The following TAF3 variants were observed in gnomAD, a reference collection of about 807,000 sequenced individuals.
TAF3 encodes the protein TATA-box binding protein associated factor 3, also known as transcription initiation factor TFIID subunit 3.
TAF3 carries 7 observed loss-of-function variants against 80.6 expected under a neutral mutation model. The observed-to-expected ratio is 0.09, with a 90% CI of 0.05 to 0.16. The LOEUF (loss-of-function observed/expected upper bound fraction) is 0.16. Ranked by LOEUF, TAF3 falls within the 10% of genes least tolerant of loss-of-function variation. TAF3 has a pLI of 1.00. For synonymous variants in TAF3, 444 were observed against 446.1 expected, an observed-to-expected ratio of 1.00 and a Z score of 0.06; for missense variants, 921 against 1,140.2, an observed-to-expected ratio of 0.81 and a Z score of 2.77.
intron 2 of TAF3, among the ~76,000 whole-genome samples, chr10:7,870,887 G>C (rs1411161063): frequency 6.6e-6 from 1 of 152,042 alleles, no homozygotes; most frequent in African/African-American, 2.4e-5. Context: ...TTGAAGCTCA[G>C]AGTTTCTTGT....
chr10:7,999,948 ATTTGCCTGGAAGGC>A (rs1325265664), intron 4 of TAF3, among the ~76,000 whole-genome samples: 1 of 152,240 alleles, frequency 6.6e-6, no homozygotes, highest in Non-Finnish European at 1.5e-5. Context: ...TATGGTCAAC[ATTTGCCTGGAAGGC>A]TTTTTAACCA....
At chr10:7,859,603 C>T (rs907199532) in intron 2 of TAF3, among the ~76,000 whole-genome samples, 4 of 152,150 alleles carry the variant, frequency 2.6e-5, no homozygotes, top group Non-Finnish European at 4.4e-5. Flanking sequence ...AGACGCCCTC[C>T]ATTTGCCCTC....
chr10:7,985,207 C>T (rs1370407682), intron 4 of TAF3, among the ~76,000 whole-genome samples: 1 of 152,152 alleles, frequency 6.6e-6, no homozygotes, highest in Non-Finnish European at 1.5e-5. Flanking sequence ...GCCATGTTAC[C>T]CCAGCTGATT....
intron 2 of TAF3, among the ~76,000 whole-genome samples, chr10:7,902,460 G>A (rs1200433256): frequency 1.3e-5 from 2 of 152,036 alleles, no homozygotes; most frequent in Non-Finnish European, 2.9e-5. Context: ...TTTCTTAGGA[G>A]ATGTTATTAA....
rs1588510540 is a variant in TAF3 at position 7,818,656 on chromosome 10, G to A, written c.-54G>A. The stretch of plus-strand genomic sequence containing the variant: ...ATCGGGGACCCTGCTAAGGTCTGGC[G>A]GCGGGGCTGGAGAGCAGTGGCAGCA... On this transcript the variant is annotated 5_prime_UTR_variant, in exon 1 of 7. Transcript: ENST00000344293. 1.9e-6 allele frequency: 3 copies of A among 1,573,310 alleles called. No individual in the cohort carries two copies. Among genetic ancestry groups the A allele is most frequent in the African/African-American group, 2.8e-5 (2 of 72,348 alleles).
intron 2 of TAF3, among the ~76,000 whole-genome samples, chr10:7,859,165 G>A (rs1382192423): frequency 6.6e-6 from 1 of 152,002 alleles, no homozygotes. Context: ...GGAGGCTGAG[G>A]CAGGAGAATG....
chr10:7,870,661 G>T (rs898683062), intron 2 of TAF3, among the ~76,000 whole-genome samples: 7 of 152,052 alleles, frequency 4.6e-5, no homozygotes, highest in Non-Finnish European at 8.8e-5. Flanking sequence ...AGGCCTTAAC[G>T]AGCGGCAGAA....
intron 2 of TAF3, among the ~76,000 whole-genome samples, chr10:7,899,367 A>G (rs570864419): frequency 2.1e-4 from 32 of 152,162 alleles, no homozygotes; most frequent in Non-Finnish European, 3.4e-4. Context: ...TCCAGCACAC[A>G]CATTCAGCAA....
chr10:7,913,192 C>G (rs1258958732), intron 2 of TAF3, among the ~76,000 whole-genome samples: 1 of 152,112 alleles, frequency 6.6e-6, no homozygotes, highest in African/African-American at 2.4e-5. Flanking sequence ...CTGATGAGCT[C>G]TTTAAAGGCC....
intron 2 of TAF3, among the ~76,000 whole-genome samples, chr10:7,865,322 A>G (rs904115350): frequency 6.6e-6 from 1 of 152,132 alleles, no homozygotes; most frequent in Non-Finnish European, 1.5e-5. Flanking sequence ...ACTAAAAAAT[A>G]CAAAAAATTA....
intron 2 of TAF3, among the ~76,000 whole-genome samples, chr10:7,854,899 G>T (rs1030881172): frequency 1.3e-5 from 2 of 152,178 alleles, no homozygotes; most frequent in Admixed American, 1.3e-4. Context: ...AGCAAAAGTG[G>T]TATTTGTTAA....
intron 2 of TAF3, among the ~76,000 whole-genome samples, chr10:7,856,455 G>A (rs979608727): frequency 1.3e-5 from 2 of 152,148 alleles, no homozygotes; most frequent in African/African-American, 4.8e-5. Context: ...ACTCCAGCCT[G>A]GGCAGATGAC....
Position 7,963,955 on chromosome 10 carries a change from A to G in TAF3, c.445A>G (p.Thr149Ala). The G allele has an allele frequency of 6.2e-7, 1 of 1,612,272 alleles. No homozygotes were observed. The highest frequency in any genetic ancestry group is 8.5e-7 in the Non-Finnish European group (1 of 1,179,204). The change falls in exon 3 of 7, where the codon ACA (threonine) becomes GCA (alanine). Residue 149 changes from threonine (T) to alanine (A), a missense_variant. By Grantham distance (58) the Thr-to-Ala change is moderately conservative. This residue lies in a region of TAF3 where 106 missense variants were observed against 191.8 expected (regional missense o/e 0.55). Coordinates refer to ENST00000344293, the MANE Select transcript of TAF3 (RefSeq NM_031923.4). ...AGAGCAGGTGCCCACTGATGGAGGC[A>G]CATCAGCAGAAGCCATGCAGGTTCC... ...EEEQVPTDGGTSAEAMQVPLE... is the reference protein window; with the variant it reads ...EEEQVPTDGGASAEAMQVPLE...
rs191294903 is a variant in TAF3 at position 7,989,008 on chromosome 10, C to T, written c.2315+11685C>T. Among the ~76,000 whole-genome samples, 67 of 152,072 alleles carry T rather than the reference C, an allele frequency of 4.4e-4. 1 individual carries two copies. In the East Asian group the frequency reaches 0.012, roughly 26 times the overall value. ...TTTTTAGTCATTTTATAGATTCTTT[C>T]CTGGTGTTTTATAAAATATGTTTTA... On this transcript the variant is annotated intron_variant, in intron 4 of 6. Transcript: ENST00000344293.
chr10:7,823,576 C>T (rs540415116), intron 1 of TAF3, among the ~76,000 whole-genome samples: 107 of 151,396 alleles, frequency 7.1e-4, no homozygotes, highest in African/African-American at 2.4e-3. Context: ...TTTGAGGCAG[C>T]AAGGAGCTGT....
intron 4 of TAF3, among the ~76,000 whole-genome samples, chr10:7,997,639 A>G (rs1831902159): frequency 6.6e-6 from 1 of 152,186 alleles, no homozygotes; most frequent in African/African-American, 2.4e-5. Flanking sequence ...CAGTGAGGGC[A>G]CTGTGATCAA....
At chr10:7,980,213 C>T (rs944345751) in intron 4 of TAF3, among the ~76,000 whole-genome samples, 2 of 152,114 alleles carry the variant, frequency 1.3e-5, no homozygotes, top group Non-Finnish European at 2.9e-5. Context: ...GAAGAACAGG[C>T]AGAATCATCT....
chr10:8,004,901 A>G (rs550586095), intron 4 of TAF3, among the ~76,000 whole-genome samples: 2 of 152,344 alleles, frequency 1.3e-5, no homozygotes, highest in South Asian at 4.1e-4. Context: ...AATTATGATC[A>G]AACATGCACT....
At chr10:7,932,365 A>G (rs115010038) in intron 2 of TAF3, among the ~76,000 whole-genome samples, 53 of 152,344 alleles carry the variant, frequency 3.5e-4, no homozygotes, top group African/African-American at 1.2e-3. Context: ...TGGCATCTCA[A>G]CTAGCTAGTG....
Sources: gnomAD v4.1 joint callset for allele counts (sites outside exome capture counted in the v4.1 genomes callset) on GRCh38, gnomAD v4.1.1 for gene constraint, gnomAD v4.1.1 regional missense constraint, MANE v1.5 for transcripts, NCBI Gene and HGNC (gene_info 2026-07-23, HGNC 2026-07-21) for gene names.